MYRFL: variants seen among roughly 807,000 people sequenced by gnomAD.
MYRFL encodes myelin regulatory factor like.
MYRFL carries 88 observed loss-of-function variants against 109.4 expected under a neutral mutation model. That is an observed-to-expected ratio of 0.80 (90% CI 0.68 to 0.96). MYRFL has a LOEUF of 0.96. Among genes scored for constraint, MYRFL ranks in the 40% least tolerant of loss-of-function variants. The pLI is 0.00. For missense variants in MYRFL, 957 were observed against 954.9 expected, an observed-to-expected ratio of 1.00 and a Z score of -0.03; for synonymous variants, 324 against 320.9, an observed-to-expected ratio of 1.01 and a Z score of -0.10.
chr12:69,873,734 T>C (rs1417600416), intron 2 of MYRFL, among the ~76,000 whole-genome samples: 1 of 152,218 alleles, frequency 6.6e-6, no homozygotes, highest in Admixed American at 6.5e-5. Flanking sequence ...TTCCATTTAA[T>C]ATTTTTGGAC....
chr12:69,949,179 A>G (rs1397876886), intron 19 of MYRFL, among the ~76,000 whole-genome samples: 2 of 151,982 alleles, frequency 1.3e-5, no homozygotes, highest in African/African-American at 2.4e-5. Flanking sequence ...ATTGTCCCCA[A>G]GTATTGTGTA....
At chr12:69,848,712 CTCT>C (rs1319007357) in intron 1 of MYRFL, among the ~76,000 whole-genome samples, 1 of 152,092 alleles carries the variant, frequency 6.6e-6, no homozygotes, top group Non-Finnish European at 1.5e-5. Flanking sequence ...ATTCATAACT[CTCT>C]TCATTTTCTT....
intron 11 of MYRFL, 45 bp from the exon 12 acceptor site, chr12:69,909,924 C>T: frequency 7.4e-7 from 1 of 1,345,352 alleles, no homozygotes; most frequent in Non-Finnish European, 1.0e-6. Context: ...ATTTGAATAG[C>T]AAATATCTAT....
Position 69,951,658 on chromosome 12 carries a change from C to T in MYRFL, c.2225-455C>T, listed in dbSNP as rs190215403. Reference sequence around the variant, plus strand: ...GGCCAGGCTGGTCTTGAACTCCCAACCTCAAGTGATCTGCCCGCCTTGGCC... The same window carrying T: ...GGCCAGGCTGGTCTTGAACTCCCAATCTCAAGTGATCTGCCCGCCTTGGCC... On this transcript the variant is annotated intron_variant, in intron 19 of 24. Transcript: ENST00000552032. Among the ~76,000 whole-genome samples the T allele has an allele frequency of 2.4e-3, 360 of 152,164 alleles. 3 individuals are homozygous for T. In the Middle Eastern group the frequency reaches 0.024, roughly 10 times the overall value.
At chr12:69,949,929 C>T (rs1955935414) in intron 19 of MYRFL, among the ~76,000 whole-genome samples, 3 of 152,078 alleles carry the variant, frequency 2.0e-5, no homozygotes, top group African/African-American at 7.2e-5. Context: ...ATCTGTCAAG[C>T]GGGGATAACC....
chr12:69,874,989 A>T (rs766006214), intron 2 of MYRFL, among the ~76,000 whole-genome samples: 8 of 151,146 alleles, frequency 5.3e-5, no homozygotes, highest in Admixed American at 1.3e-4. Flanking sequence ...GTATATATCT[A>T]AGATATATAC....
chr12:69,826,843 C>T (rs1413827047), intron 1 of MYRFL, among the ~76,000 whole-genome samples: 1 of 152,038 alleles, frequency 6.6e-6, no homozygotes, highest in African/African-American at 2.4e-5. Context: ...TTTTTCTTAC[C>T]TCTACTATTC....
Position 69,855,342 on chromosome 12 carries a change from C to A in MYRFL, c.109C>A (p.Leu37Met). 1 of 702,630 alleles carries A rather than the reference C, an allele frequency of 1.4e-6. No homozygotes were observed. The highest frequency in any genetic ancestry group is 2.0e-5 in the Admixed American group (1 of 50,006). 43.5% of individuals were successfully genotyped at this position (702,630 alleles called of 1,614,324 possible). A position where few individuals can be genotyped will look rare whatever the true frequency, so the allele number is the denominator to read the frequency against. ...GGACACAAGTCTGTTGGAGGAATTT[C>A]TGGGCAATGACTTTGATTTGGGGGC... The part of the protein sequence containing the change: ...ALDTSLLEEF[L>M]GNDFDLGALQ... The change falls in exon 2 of 25, where the codon CTG becomes ATG. Residue 37 changes from leucine to methionine, a missense_variant. Coordinates refer to ENST00000552032, the MANE Select transcript of MYRFL (RefSeq NM_182530.3).
Position 69,945,986 on chromosome 12 carries a change from C to CAAAAAAAAAAA in MYRFL, c.2225-6109_2225-6099dup, listed in dbSNP as rs56988555. ...TGGGCGACAGAGCGAGACTCCGTCT[C>CAAAAAAAAAAA]AAAAAAAAAAAAAAAAAAAAAAAAA... is the stretch of plus-strand genomic sequence containing the variant. On this transcript the variant is annotated intron_variant, in intron 19 of 24. Transcript: ENST00000552032. Among the ~76,000 whole-genome samples the CAAAAAAAAAAA allele has an allele frequency of 3.8e-4, 16 of 42,338 alleles. 1 individual carries two copies. Among genetic ancestry groups the CAAAAAAAAAAA allele is most frequent in the Non-Finnish European group, 4.1e-4 (10 of 24,328 alleles). 27.8% of individuals were successfully genotyped at this position (42,338 alleles called of 152,430 possible). A position where few individuals can be genotyped will look rare whatever the true frequency, so the allele number is the denominator to read the frequency against.
At chr12:69,884,417 A>G (rs1414835760) in intron 5 of MYRFL, among the ~76,000 whole-genome samples, 1 of 152,106 alleles carries the variant, frequency 6.6e-6, no homozygotes, top group Non-Finnish European at 1.5e-5. Context: ...TGTCACCCCT[A>G]TTGGAGCAGC....
chr12:69,932,879 GTGTT>G (rs1434406349), intron 16 of MYRFL, among the ~76,000 whole-genome samples: 1 of 150,696 alleles, frequency 6.6e-6, no homozygotes, highest in Admixed American at 6.6e-5. Context: ...GTGTGTGTGT[GTGTT>G]TGTGTGTGTG....
intron 2 of MYRFL, among the ~76,000 whole-genome samples, chr12:69,865,075 C>G (rs1407031667): frequency 6.6e-6 from 1 of 152,154 alleles, no homozygotes; most frequent in African/African-American, 2.4e-5. Context: ...TGTGTGATAC[C>G]ATTCCTTGTC....
At chr12:69,858,529 G>A (rs74101353) in intron 2 of MYRFL, among the ~76,000 whole-genome samples, 7,023 of 151,912 alleles carry the variant, frequency 0.046, 546 homozygotes, top group African/African-American at 0.16. Flanking sequence ...AGTAGATTCA[G>A]GGCTATTTAT....
At chr12:69,933,863 A>G (rs1278233900) in intron 16 of MYRFL, among the ~76,000 whole-genome samples, 1 of 77,304 alleles carries the variant, frequency 1.3e-5, no homozygotes, top group East Asian at 3.8e-4. Context: ...CTTTTTAAAC[A>G]TGCTTATTAG....
At chr12:69,916,200 G>T (rs1382724423) in intron 13 of MYRFL, among the ~76,000 whole-genome samples, 1 of 151,910 alleles carries the variant, frequency 6.6e-6, no homozygotes, top group East Asian at 1.9e-4. Flanking sequence ...TCTAAGAGGG[G>T]GATGATAAGA....
intron 2 of MYRFL, among the ~76,000 whole-genome samples, chr12:69,860,668 G>A (rs1329814149): frequency 1.3e-5 from 2 of 151,526 alleles, no homozygotes; most frequent in Non-Finnish European, 2.9e-5. Flanking sequence ...TAAATTGTTT[G>A]AAGATTTTTA....
At chr12:69,936,658 C>T (rs755391208) in intron 19 of MYRFL, 26 bp downstream of exon 19, 14 of 1,470,538 alleles carry the variant, frequency 9.5e-6, no homozygotes, top group Middle Eastern at 1.8e-4. Flanking sequence ...AGAGAAACAA[C>T]TAGAGCTTTG....
At chr12:69,892,327 A>C (rs1886964991) in intron 7 of MYRFL, among the ~76,000 whole-genome samples, 1 of 152,244 alleles carries the variant, frequency 6.6e-6, no homozygotes, top group African/African-American at 2.4e-5. Context: ...CTGAGTGATC[A>C]AAAAGTATTT....
At chr12:69,857,718 A>G (rs868703239) in intron 2 of MYRFL, among the ~76,000 whole-genome samples, 10 of 151,858 alleles carry the variant, frequency 6.6e-5, no homozygotes, top group Middle Eastern at 3.4e-3. Flanking sequence ...TTGGGTTTGT[A>G]ATCTTAATTA....
Sources: gnomAD v4.1 joint callset for allele counts (sites outside exome capture counted in the v4.1 genomes callset) on GRCh38, gnomAD v4.1.1 for gene constraint, MANE v1.5 for transcripts, NCBI Gene and HGNC (gene_info 2026-07-23, HGNC 2026-07-21) for gene names.